The following WHRN variants were observed in gnomAD, a reference collection of about 807,000 sequenced individuals.
WHRN encodes the protein whirlin.
WHRN carries 41 observed loss-of-function variants against 68.3 expected under a neutral mutation model. The observed-to-expected ratio is 0.60, with a 90% confidence interval of 0.47 to 0.78. The LOEUF is 0.78. Among genes scored for constraint, WHRN ranks in the 30% least tolerant of loss-of-function variants. WHRN has a pLI of 0.00. For missense variants in WHRN, 1,243 were observed against 1,244.7 expected (o/e 1.00, Z 0.02); for synonymous variants, 560 against 561.3 (o/e 1.00, Z 0.03).
intron 1 of WHRN, among the ~76,000 whole-genome samples, chr9:114,500,625 A>C (rs1843838814): frequency 6.6e-6 from 1 of 152,154 alleles, no homozygotes; most frequent in Non-Finnish European, 1.5e-5. Flanking sequence ...ATTGAGATGA[A>C]ACACACACAT....
chr9:114,417,200 C>G (rs1835880531), intron 7 of WHRN, among the ~76,000 whole-genome samples: 1 of 152,174 alleles, frequency 6.6e-6, no homozygotes, highest in Non-Finnish European at 1.5e-5. Context: ...TTGACTGTGT[C>G]TGCTTTGAGG....
At chr9:114,495,767 A>G (rs1343003214) in intron 1 of WHRN, among the ~76,000 whole-genome samples, 1 of 152,214 alleles carries the variant, frequency 6.6e-6, no homozygotes, top group Non-Finnish European at 1.5e-5. Context: ...GGAGAAATGT[A>G]TGATTCTCTA....
In WHRN at chr9:114,443,429, C is replaced by T. The variant is rs114041927; in HGVS notation, c.964-17016G>A. Among the ~76,000 whole-genome samples, 550 of 152,264 alleles carry T rather than the reference C, an allele frequency of 3.6e-3. 1 individual carries two copies. The highest frequency in any genetic ancestry group is 0.013 in the African/African-American group (527 of 41,544). On this transcript the variant is annotated intron_variant, in intron 3 of 11. Coordinates refer to ENST00000362057, the MANE Select transcript of WHRN (RefSeq NM_015404.4). ...AAGCTACCAGAGGCCTCCTACTTTC[C>T]TACTTTGGTAGCCCCTTCCTCCATC...
intron 2 of WHRN, among the ~76,000 whole-genome samples, chr9:114,470,146 C>T (rs1309746389): frequency 2.0e-5 from 3 of 152,162 alleles, no homozygotes; most frequent in Admixed American, 6.5e-5. Context: ...AGGTGGATAC[C>T]TTCAGACTTG....
chr9:114,431,913 A>G (rs1837457842), intron 3 of WHRN, among the ~76,000 whole-genome samples: 1 of 152,178 alleles, frequency 6.6e-6, no homozygotes, highest in Non-Finnish European at 1.5e-5. Flanking sequence ...CCGTGGAAAC[A>G]CTCATATCCC....
intron 3 of WHRN, among the ~76,000 whole-genome samples, chr9:114,429,359 C>G (rs1837197865): frequency 6.6e-6 from 1 of 152,198 alleles, no homozygotes; most frequent in Non-Finnish European, 1.5e-5. Flanking sequence ...ACAATCAGAT[C>G]TGGGTTCAAA....
At position 114,423,411 on chromosome 9, in the gene WHRN, C is replaced by T; in HGVS notation, c.1529G>A (p.Gly510Asp). 1 of 1,614,054 alleles carries T rather than the reference C, an allele frequency of 6.2e-7. No homozygotes were observed. Among genetic ancestry groups the T allele is most frequent in the Non-Finnish European group, 8.5e-7 (1 of 1,179,970 alleles). ...IESMKARQPP[G>D]PGAGDTYSMV... ...GGAGTAGGTGTCCCCAGCCCCGGGG[C>T]CTGGGGGCTGCCGCGCCTTCATGGA... is the stretch of plus-strand genomic sequence containing the variant. The change falls in exon 7 of 12, where the codon GGC becomes GAC. Residue 510 changes from glycine to aspartate, a missense_variant. Physicochemically the swap from Gly to Asp is moderately conservative, Grantham distance 94 (BLOSUM62 -1). Coordinates refer to ENST00000362057, the MANE Select transcript of WHRN (RefSeq NM_015404.4).
At chr9:114,465,142 C>T (rs537578319) in intron 3 of WHRN, among the ~76,000 whole-genome samples, 4 of 152,336 alleles carry the variant, frequency 2.6e-5, no homozygotes, top group African/African-American at 9.6e-5. Flanking sequence ...ACCCAGAGCT[C>T]TTCCCACAAT....
rs201863779 is a variant in WHRN, at chr9:114,478,548, C to T, written c.837+5G>A. ...AGGCTGGCCTCCTTTCCCCACCCCA[C>T]TCACCTTTTTCTCATCCCCTCCTTG... On this transcript the variant is annotated splice_donor_5th_base_variant and intron_variant, in intron 2 of 11. Coordinates refer to ENST00000362057, the MANE Select transcript of WHRN (RefSeq NM_015404.4). 1 of 1,614,162 alleles carries T rather than the reference C, an allele frequency of 6.2e-7. No homozygotes were observed. The highest frequency in any genetic ancestry group is 8.5e-7 in the Non-Finnish European group (1 of 1,179,990).
intron 1 of WHRN, among the ~76,000 whole-genome samples, chr9:114,486,973 A>G (rs1413905138): frequency 0.036 from 45 of 1,244 alleles, 1 homozygote; most frequent in African/African-American, 0.049. Context: ...ATATATATAT[A>G]TATATATATA....
At chr9:114,498,641 G>A (rs948222234) in intron 1 of WHRN, among the ~76,000 whole-genome samples, 3 of 152,124 alleles carry the variant, frequency 2.0e-5, no homozygotes, top group African/African-American at 7.2e-5. Flanking sequence ...GAAGTCTCTG[G>A]GTGGTTCTTA....
At position 114,406,628 on chromosome 9, in the gene WHRN, A is replaced by T. The variant is rs746857227; in HGVS notation, c.1963T>A (p.Ser655Thr). The change falls in exon 9 of 12, where the codon TCC becomes ACC. Residue 655 changes from serine (S) to threonine (T), a missense_variant. By Grantham distance (58) the Ser-to-Thr change is moderately conservative. Coordinates refer to ENST00000362057, the MANE Select transcript of WHRN (RefSeq NM_015404.4). ...CTCTTGGAGCTGGGGTTGGCAGGGG[A>T]GACGGAGGCATAGATGGGGGAAGAG... Reference protein sequence around the residue: ...LPSSPIYASVSPANPSSKRPL... With the variant: ...LPSSPIYASVTPANPSSKRPL... 6.2e-7 allele frequency: 1 copy of T among 1,611,434 alleles called. No individual in the cohort carries two copies. Among genetic ancestry groups the T allele is most frequent in the South Asian group, 1.1e-5 (1 of 91,020 alleles).
intron 7 of WHRN, among the ~76,000 whole-genome samples, chr9:114,410,173 C>A (rs1214972412): frequency 2.6e-5 from 4 of 152,208 alleles, no homozygotes; most frequent in Non-Finnish European, 5.9e-5. Flanking sequence ...CACCCCCATC[C>A]CTGTCTATCC....
At chr9:114,425,071 A>C in intron 4 of WHRN, 47 bp from the exon 5 acceptor site, 2 of 1,602,696 alleles carry the variant, frequency 1.2e-6, no homozygotes, top group Non-Finnish European at 1.7e-6. Flanking sequence ...GAGCAGATCA[A>C]ATGGGCGTGG....
chr9:114,423,407 G>A lies in WHRN; in HGVS notation c.1533C>T (p.Pro511=), dbSNP rs143271849. ...CCATGGAGTAGGTGTCCCCAGCCCC[G>A]GGGCCTGGGGGCTGCCGCGCCTTCA... is the stretch of plus-strand genomic sequence containing the variant. ...ESMKARQPPG[P]GAGDTYSMVS... The change falls in exon 7 of 12, where the codon CCC becomes CCT. Residue 511 remains proline (P), a synonymous_variant. Transcript: ENST00000362057. 361 of 1,614,048 alleles carry A rather than the reference G, an allele frequency of 2.2e-4. 1 individual carries two copies. In the African/African-American group the frequency reaches 2.4e-3, roughly 11 times the overall value.
At chr9:114,434,921 C>T (rs1837720585) in intron 3 of WHRN, among the ~76,000 whole-genome samples, 1 of 152,166 alleles carries the variant, frequency 6.6e-6, no homozygotes, top group Non-Finnish European at 1.5e-5. Context: ...TTTTTCCGAT[C>T]CAACCATACT....
intron 7 of WHRN, among the ~76,000 whole-genome samples, chr9:114,412,882 C>T (rs1391496035): frequency 6.6e-6 from 1 of 152,222 alleles, no homozygotes; most frequent in African/African-American, 2.4e-5. Context: ...CAAAATGCAG[C>T]TTCTCCCTCC....
intron 3 of WHRN, among the ~76,000 whole-genome samples, chr9:114,433,224 G>A (rs939226887): frequency 6.6e-6 from 1 of 152,198 alleles, no homozygotes; most frequent in Non-Finnish European, 1.5e-5. Flanking sequence ...ATTCGTGCCC[G>A]ATGAAGGGAA....
chr9:114,486,536 A>G (rs1842485594), intron 1 of WHRN, among the ~76,000 whole-genome samples: 1 of 152,202 alleles, frequency 6.6e-6, no homozygotes, highest in Non-Finnish European at 1.5e-5. Context: ...AAGATATTCA[A>G]TGAGTTTTCT....
Sources: allele counts gnomAD v4.1 joint callset (sites outside exome capture counted in the v4.1 genomes callset), GRCh38; gene constraint gnomAD v4.1.1; transcripts MANE v1.5; gene names NCBI Gene and HGNC (gene_info 2026-07-23, HGNC 2026-07-21).